DGKG: variants seen among roughly 807,000 people sequenced by gnomAD.
The protein encoded by DGKG is DAG kinase gamma.
DGKG carries 78 observed loss-of-function variants against 105.3 expected under a neutral mutation model. The observed-to-expected ratio is 0.74, with a 90% CI of 0.62 to 0.89. The LOEUF (loss-of-function observed/expected upper bound fraction) is 0.89. DGKG is among the 40% of genes least tolerant of loss of function. DGKG has a pLI of 0.00. For missense variants in DGKG, 958 were observed against 1,020.1 expected (o/e 0.94, Z 0.83); for synonymous variants, 346 against 367.1 (o/e 0.94, Z 0.66).
chr3:186,315,874 T>C (rs949004548), intron 2 of DGKG, among the ~76,000 whole-genome samples: 1 of 152,226 alleles, frequency 6.6e-6, no homozygotes, highest in Non-Finnish European at 1.5e-5. Flanking sequence ...GTGACTGCAC[T>C]GACCAGTGGA....
Position 186,275,606 on chromosome 3 carries a change from T to C in DGKG, c.851A>G (p.Tyr284Cys), listed in dbSNP as rs140934553. 7.7e-5 allele frequency: 124 copies of C among 1,614,082 alleles called. No homozygotes were observed. The highest frequency in any genetic ancestry group is 1.0e-4 in the Non-Finnish European group (121 of 1,180,052). ...GAGCATGATATGGCAGAAGTTGCAG[T>C]AGGTTGGTTTCTTGAAGTGCTTCAT... ...WTMKHFKKPT[Y>C]CNFCHIMLMG... The change falls in exon 10 of 25, where the codon TAC becomes TGC. Residue 284 changes from tyrosine to cysteine, a missense_variant. Transcript: ENST00000265022.
At chr3:186,267,917 C>CGTGT in intron 12 of DGKG, 140 bp from the exon 13 acceptor site, 1 of 702,366 alleles carries the variant, frequency 1.4e-6, no homozygotes, top group South Asian at 1.7e-5. Flanking sequence ...ACAGTATTGC[C>CGTGT]GTGTGTGTGT....
chr3:186,223,011 C>CTAAATATATATA (rs1719665839), intron 20 of DGKG, among the ~76,000 whole-genome samples: 1 of 80,524 alleles, frequency 1.2e-5, no homozygotes, highest in African/African-American at 3.7e-5. Context: ...TGTATGTATA[C>CTAAATATATATA]TATATATATA....
intron 22 of DGKG, among the ~76,000 whole-genome samples, chr3:186,179,676 G>A (rs962387286): frequency 6.6e-6 from 1 of 152,192 alleles, no homozygotes; most frequent in Non-Finnish European, 1.5e-5. Context: ...AAACATACCT[G>A]CCCTAACCTG....
At chr3:186,216,159 C>T (rs905632494) in intron 20 of DGKG, among the ~76,000 whole-genome samples, 13 of 152,122 alleles carry the variant, frequency 8.5e-5, no homozygotes, top group African/African-American at 2.7e-4. Flanking sequence ...CCACCACTCC[C>T]GGCTAGTATT....
At chr3:186,328,733 G>A (rs763981791) in intron 1 of DGKG, among the ~76,000 whole-genome samples, 70 of 151,824 alleles carry the variant, frequency 4.6e-4, no homozygotes, top group African/African-American at 1.3e-3. Context: ...CTGCCACCAC[G>A]CCCGGCTAAT....
At chr3:186,234,183 G>A (rs1299046946) in intron 20 of DGKG, among the ~76,000 whole-genome samples, 3 of 152,148 alleles carry the variant, frequency 2.0e-5, no homozygotes, top group Admixed American at 6.5e-5. Flanking sequence ...TGCTTTATAC[G>A]AAAAGCCTTT....
chr3:186,264,964 C>T (rs1207118604), intron 14 of DGKG, among the ~76,000 whole-genome samples: 2 of 152,190 alleles, frequency 1.3e-5, no homozygotes, highest in Non-Finnish European at 2.9e-5. Context: ...TTATTTAGGA[C>T]ATCTGCATAT....
At chr3:186,332,698 A>T (rs1428422505) in intron 1 of DGKG, among the ~76,000 whole-genome samples, 1 of 152,214 alleles carries the variant, frequency 6.6e-6, no homozygotes, top group African/African-American at 2.4e-5. Flanking sequence ...CAAGGTTATT[A>T]TGAGATTATT....
chr3:186,150,327 T>G, intron 24 of DGKG, 139 bp from the exon 25 acceptor site: 1 of 1,178,864 alleles, frequency 8.5e-7, no homozygotes, highest in Non-Finnish European at 1.2e-6. Flanking sequence ...TTGAACGGCT[T>G]CAAAATTGGC....
intron 21 of DGKG, among the ~76,000 whole-genome samples, chr3:186,206,721 G>A (rs896380627): frequency 6.6e-6 from 1 of 152,072 alleles, no homozygotes. Context: ...GGGTGAGGGT[G>A]GGGGTGTGGG....
At chr3:186,163,091 G>A (rs1169898835) in intron 23 of DGKG, among the ~76,000 whole-genome samples, 2 of 152,042 alleles carry the variant, frequency 1.3e-5, no homozygotes, top group African/African-American at 4.8e-5. Context: ...CTGCAGCCTC[G>A]ACCTCCTGGG....
At chr3:186,285,498 G>A (rs956129210) in intron 6 of DGKG, among the ~76,000 whole-genome samples, 12 of 152,100 alleles carry the variant, frequency 7.9e-5, no homozygotes, top group African/African-American at 2.9e-4. Flanking sequence ...GGGAAGTGAT[G>A]TAGGATAAGG....
chr3:186,158,974 T>C (rs1271744684), intron 24 of DGKG: 1 of 329,074 alleles, frequency 3.0e-6, no homozygotes. Flanking sequence ...TTATACCTGA[T>C]AAAGGATAAA....
intron 12 of DGKG, among the ~76,000 whole-genome samples, chr3:186,268,230 A>T (rs959571155): frequency 6.6e-6 from 1 of 152,180 alleles, no homozygotes; most frequent in African/African-American, 2.4e-5. Context: ...TTTGAGGCTG[A>T]TACCTGGGGA....
intron 1 of DGKG, among the ~76,000 whole-genome samples, chr3:186,346,545 T>A (rs970307755): frequency 1.3e-5 from 2 of 152,070 alleles, no homozygotes; most frequent in Admixed American, 6.5e-5. Flanking sequence ...AAACAACAGG[T>A]CTTTTTGGTC....
chr3:186,286,320 G>T (rs751868760), intron 6 of DGKG, among the ~76,000 whole-genome samples: 1 of 152,166 alleles, frequency 6.6e-6, no homozygotes, highest in Non-Finnish European at 1.5e-5. Flanking sequence ...GACCTTTTCT[G>T]CTAGCATTAT....
At chr3:186,265,526 G>C (rs1048070915) in intron 13 of DGKG, among the ~76,000 whole-genome samples, 1 of 152,220 alleles carries the variant, frequency 6.6e-6, no homozygotes, top group Admixed American at 6.5e-5. Flanking sequence ...GACATCACGG[G>C]CTGACTTTAC....
At chr3:186,292,289 G>A (rs1016122501) in intron 5 of DGKG, among the ~76,000 whole-genome samples, 5 of 152,250 alleles carry the variant, frequency 3.3e-5, no homozygotes, top group East Asian at 3.9e-4. Flanking sequence ...GCAGAAGACC[G>A]TGATTCCACC....
Sources: allele counts gnomAD v4.1 joint callset (sites outside exome capture counted in the v4.1 genomes callset), GRCh38; gene constraint gnomAD v4.1.1; transcripts MANE v1.5; gene names NCBI Gene and HGNC (gene_info 2026-07-23, HGNC 2026-07-21).